SNF8: variants seen among roughly 807,000 people sequenced by gnomAD.
SNF8 encodes vacuolar-sorting protein SNF8.
Under a neutral mutation model 36.8 loss-of-function variants are expected in SNF8, and 19 were observed. That is an observed-to-expected ratio of 0.52 (90% confidence interval 0.36 to 0.76). The LOEUF (loss-of-function observed/expected upper bound fraction) is 0.76, where lower values mean the gene tolerates loss of function less well. Among genes scored for constraint, SNF8 ranks in the 30% least tolerant of loss-of-function variants. The pLI is 0.00. For synonymous variants in SNF8, 127 were observed against 127.4 expected (o/e 1.00, Z 0.02); for missense variants, 268 against 322.9 (o/e 0.83, Z 1.30).
chr17:48,944,334 G>A (rs1005552863), intron 1 of SNF8, among the ~76,000 whole-genome samples: 1 of 152,312 alleles, frequency 6.6e-6, no homozygotes, highest in African/African-American at 2.4e-5. Flanking sequence ...AACACAGAGT[G>A]GGCGCTGGGT....
chr17:48,935,512 C>CAA (rs34255720), intron 5 of SNF8, among the ~76,000 whole-genome samples: 2 of 88,934 alleles, frequency 2.2e-5, no homozygotes, highest in Admixed American at 2.8e-4. Flanking sequence ...GACTCTGTCT[C>CAA]AAAAAAAAAA....
At chr17:48,941,195 T>A in intron 2 of SNF8, 133 bp from the exon 3 acceptor site, 2 of 962,914 alleles carry the variant, frequency 2.1e-6, no homozygotes, top group Non-Finnish European at 3.1e-6. Flanking sequence ...TTATGCTGTT[T>A]ACCATCTCTC....
In SNF8 at chr17:48,929,393, A is replaced by G. The variant is rs1429492516; in HGVS notation, c.*1082T>C. 3 of 152,214 alleles carry G rather than the reference A, an allele frequency of 2.0e-5. No individual in the cohort carries two copies. The highest frequency in any genetic ancestry group is 4.4e-5 in the Non-Finnish European group (3 of 68,064). The allele number at this position is 152,214 out of a possible 1,614,324, so 9.4% of individuals were successfully genotyped here. On this transcript the variant is annotated 3_prime_UTR_variant, in exon 8 of 8. Coordinates refer to ENST00000502492, the MANE Select transcript of SNF8 (RefSeq NM_007241.4). ...GCCCAGGCTATATCCTGCTAAAGGA[A>G]GGGTCTCAGTATGGAAAAACCATTG...
intron 6 of SNF8, 63 bp from the exon 7 acceptor site, chr17:48,931,780 T>A: frequency 7.5e-7 from 1 of 1,336,230 alleles, no homozygotes; most frequent in Non-Finnish European, 1.1e-6. Context: ...GAACCCAGGA[T>A]CTGCCCAGGA....
Position 48,944,761 on chromosome 17 carries a change from G to A in SNF8, c.-27C>T, listed in dbSNP as rs748161803. The stretch of plus-strand genomic sequence containing the variant: ...CCCACCCTGGGCCCGCGGGCCGCCC[G>A]GCTGCCGGGACCCCGGGTCTCCACG... On this transcript the variant is annotated 5_prime_UTR_variant, in exon 1 of 8. Transcript: ENST00000502492. 2 of 1,588,132 alleles carry A rather than the reference G, an allele frequency of 1.3e-6. No individual in the cohort carries two copies. The highest frequency in any genetic ancestry group is 8.5e-7 in the Non-Finnish European group (1 of 1,171,486).
Position 48,934,705 on chromosome 17 carries a change from A to C in SNF8, c.423-1359T>G, listed in dbSNP as rs118006363. Reference sequence around the variant, plus strand: ...CACTGCAGCCTAGAACAATGAGTGCATGCCTCAACACCCAACTAATTTTAT... The same window carrying C: ...CACTGCAGCCTAGAACAATGAGTGCCTGCCTCAACACCCAACTAATTTTAT... On this transcript the variant is annotated intron_variant, in intron 5 of 7. Transcript: ENST00000502492. 4.2e-3 allele frequency: 643 copies of C among 153,116 alleles called. 30 individuals are homozygous for C. In the East Asian group the frequency reaches 0.099, roughly 24 times the overall value. The allele number at this position is 153,116 out of a possible 1,614,324, so 9.5% of individuals were successfully genotyped here. A position where few individuals can be genotyped will look rare whatever the true frequency, so the allele number is the denominator to read the frequency against.
intron 4 of SNF8, 108 bp downstream of exon 4, chr17:48,936,912 C>A: frequency 2.4e-6 from 2 of 817,664 alleles, no homozygotes; most frequent in Admixed American, 2.0e-5. Flanking sequence ...AGATGTCTCT[C>A]AAGTCCTTAG....
chr17:48,931,217 T>C (rs530896824), intron 7 of SNF8, among the ~76,000 whole-genome samples: 16 of 152,330 alleles, frequency 1.1e-4, no homozygotes, highest in Non-Finnish European at 2.1e-4. Context: ...CATTCTTCAG[T>C]ACGATGAAAT....
At chr17:48,932,194 CTGGG>C (rs1457402734) in intron 6 of SNF8, 1 of 152,702 alleles carries the variant, frequency 6.5e-6, no homozygotes, top group Non-Finnish European at 1.5e-5. Context: ...GCACACCAGC[CTGGG>C]TGACAGAGCG....
Position 48,944,121 on chromosome 17 carries a change from T to G in SNF8, c.55-146A>C, listed in dbSNP as rs1249829904. The stretch of plus-strand genomic sequence containing the variant: ...GATCGAGCCATCCTGGCTAACACAG[T>G]GAAACCCCGTCTCTACTAAAAATAC... On this transcript the variant is annotated intron_variant, in intron 1 of 7. Transcript: ENST00000502492. 4.5e-6 allele frequency: 3 copies of G among 660,686 alleles called. No homozygotes were observed. The African/African-American group carries it at 5.5e-5, about 12-fold the overall frequency. 40.9% of individuals were successfully genotyped at this position (660,686 alleles called of 1,614,324 possible).
intron 4 of SNF8, 59 bp downstream of exon 4, chr17:48,936,961 C>G (rs568449612): frequency 1.6e-6 from 2 of 1,222,624 alleles, no homozygotes; most frequent in Middle Eastern, 1.9e-4. Flanking sequence ...TAATCTTTTA[C>G]GGTTTTCTCC....
At chr17:48,933,017 C>T (rs2040881992) in intron 6 of SNF8, 188 bp downstream of exon 6, 4 of 547,738 alleles carry the variant, frequency 7.3e-6, no homozygotes, top group African/African-American at 1.9e-5. Flanking sequence ...GCCCCACAGC[C>T]TGGCCCAGTG....
chr17:48,941,949 C>T (rs2041033724), intron 2 of SNF8, among the ~76,000 whole-genome samples: 1 of 151,934 alleles, frequency 6.6e-6, no homozygotes, highest in South Asian at 2.1e-4. Context: ...TCTCAGCCTC[C>T]CAAAGTGCTG....
At chr17:48,933,945 G>C (rs983971851) in intron 5 of SNF8, among the ~76,000 whole-genome samples, 2 of 152,180 alleles carry the variant, frequency 1.3e-5, no homozygotes, top group Non-Finnish European at 2.9e-5. Context: ...AGGCAATGGG[G>C]GTAGTGTCAC....
rs1260689874 is a variant in SNF8, at chr17:48,934,777, A to G, written c.422+1393T>C. 5.3e-5 allele frequency among the ~76,000 whole-genome samples: 8 copies of G among 151,862 alleles called. No homozygotes were observed. In the East Asian group the frequency reaches 9.7e-4, roughly 18 times the overall value. On this transcript the variant is annotated intron_variant, in intron 5 of 7. Transcript: ENST00000502492. ...ACTACACTGCCCAGACTGGTCTCGA[A>G]CTCCTGTCCTCAAGCGATCCTCCCA...
In SNF8 at chr17:48,936,186, C is replaced by A. The variant is rs144625875; in HGVS notation, c.406G>T (p.Ala136Ser). The A allele has an allele frequency of 6.2e-7, 1 of 1,613,590 alleles. No individual in the cohort carries two copies. Among genetic ancestry groups the A allele is most frequent in the Non-Finnish European group, 8.5e-7 (1 of 1,179,676 alleles). ...QQVLKGRGKF[A>S]QDVSQDDLIR... ...AAGACCTACTGACTGACATCCTGGG[C>A]GAACTTGCCCCTTCCCTTCAACACC... Residue 136 changes from alanine (A) to serine (S), a missense_variant, in exon 5 of 8, where the codon GCC (alanine) becomes TCC (serine). Ala to Ser is a moderately conservative substitution (Grantham distance 99). Transcript: ENST00000502492.
At chr17:48,943,453 C>T (rs896153185) in intron 2 of SNF8, among the ~76,000 whole-genome samples, 1 of 152,058 alleles carries the variant, frequency 6.6e-6, no homozygotes, top group Non-Finnish European at 1.5e-5. Flanking sequence ...ACTAAAAATA[C>T]AAAAATTACC....
Position 48,930,554 on chromosome 17 carries a change from T to C in SNF8, c.698A>G (p.His233Arg), listed in dbSNP as rs1555582122. Reference protein sequence around the residue: ...WLDLQAPGEAHYWLPALFTDL... With the variant: ...WLDLQAPGEARYWLPALFTDL... Reference sequence around the variant, plus strand: ...AGTGAAGAGAGCTGGCAGCCAGTAGTGGGCCTCCCCTGGGGCCTGTAAGTC... The same window carrying C: ...AGTGAAGAGAGCTGGCAGCCAGTAGCGGGCCTCCCCTGGGGCCTGTAAGTC... Residue 233 changes from histidine (H) to arginine (R), a missense_variant, in exon 8 of 8, where the codon CAC becomes CGC. Coordinates refer to ENST00000502492, the MANE Select transcript of SNF8 (RefSeq NM_007241.4). 6.2e-7 allele frequency: 1 copy of C among 1,613,546 alleles called. No individual in the cohort carries two copies. Among genetic ancestry groups the C allele is most frequent in the South Asian group, 1.1e-5 (1 of 91,046 alleles).
At chr17:48,942,829 T>TA (rs2041048820) in intron 2 of SNF8, among the ~76,000 whole-genome samples, 1 of 149,268 alleles carries the variant, frequency 6.7e-6, no homozygotes. Flanking sequence ...ATTACAGGCG[T>TA]TAGCCACCGC....
Sources: gnomAD v4.1 joint callset for allele counts (sites outside exome capture counted in the v4.1 genomes callset) on GRCh38, gnomAD v4.1.1 for gene constraint, MANE v1.5 for transcripts, NCBI Gene and HGNC (gene_info 2026-07-23, HGNC 2026-07-21) for gene names.